VPS13B: variants seen among roughly 807,000 people sequenced by gnomAD.
VPS13B encodes the protein intermembrane lipid transfer protein VPS13B.
A neutral mutation model predicts 426.4 loss-of-function variants in VPS13B; 285 were observed. The observed-to-expected ratio is 0.67, with a 90% CI of 0.61 to 0.74. VPS13B has a LOEUF of 0.74. Among genes scored for constraint, VPS13B ranks in the 30% least tolerant of loss-of-function variants. The pLI, the probability that VPS13B is intolerant of heterozygous loss-of-function variation, is 0.00. For missense variants in VPS13B, 4,537 were observed against 4,782.6 expected, an observed-to-expected ratio of 0.95 and a Z score of 1.51; for synonymous variants, 1,676 against 1,676.4, an observed-to-expected ratio of 1.00 and a Z score of 0.01.
intron 19 of VPS13B, among the ~76,000 whole-genome samples, chr8:99,308,800 G>T: frequency 6.6e-6 from 1 of 152,204 alleles, no homozygotes; most frequent in East Asian, 1.9e-4. Flanking sequence ...GCCACCAACA[G>T]TGTAAAAGTG....
intron 25 of VPS13B, among the ~76,000 whole-genome samples, chr8:99,493,394 A>T (rs1001611229): frequency 6.6e-6 from 1 of 152,208 alleles, no homozygotes; most frequent in African/African-American, 2.4e-5. Context: ...TCCATGTTAA[A>T]AAAGTAATCT....
At chr8:99,360,202 CTCTCTCT>C (rs1563687216) in intron 19 of VPS13B, among the ~76,000 whole-genome samples, 3 of 41,162 alleles carry the variant, frequency 7.3e-5, no homozygotes, top group African/African-American at 3.6e-4. Context: ...CTCTCTCTCT[CTCTCTCT>C]CTTTCTTTCT....
At chr8:99,646,784 GGTT>G (rs1829596545) in intron 34 of VPS13B, among the ~76,000 whole-genome samples, 1 of 152,004 alleles carries the variant, frequency 6.6e-6, no homozygotes, top group African/African-American at 2.4e-5. Context: ...TGAAAGTTGT[GGTT>G]GTTTAAAGAA....
At chr8:99,374,818 G>T (rs1472202497) in intron 19 of VPS13B, among the ~76,000 whole-genome samples, 1 of 152,054 alleles carries the variant, frequency 6.6e-6, no homozygotes, top group Non-Finnish European at 1.5e-5. Flanking sequence ...CTTTGTTTTT[G>T]TATGGTTTGT....
chr8:99,036,952 C>G (rs768742349), intron 2 of VPS13B, among the ~76,000 whole-genome samples: 1 of 152,062 alleles, frequency 6.6e-6, no homozygotes, highest in Non-Finnish European at 1.5e-5. Flanking sequence ...TCCTAGATGA[C>G]TCGTTTTGGG....
In VPS13B at chr8:99,825,168, T is replaced by C. The variant is rs544425304; in HGVS notation, c.9330+1190T>C. Among the ~76,000 whole-genome samples the C allele has an allele frequency of 9.9e-5, 15 of 152,264 alleles. No individual in the cohort carries two copies. The South Asian group carries it at 3.1e-3, about 32-fold the overall frequency. ...GAATTGCCACACTGTGTTCCAATGG[T>C]TGGTTTAATTTACACTCCCACCAAC... On this transcript the variant is annotated intron_variant, in intron 51 of 61. Transcript: ENST00000357162.
At chr8:99,017,680 A>G (rs1841692205) in intron 2 of VPS13B, among the ~76,000 whole-genome samples, 1 of 151,810 alleles carries the variant, frequency 6.6e-6, no homozygotes. Context: ...TTTAGTAGAG[A>G]CGGGGTTTCA....
intron 51 of VPS13B, among the ~76,000 whole-genome samples, chr8:99,828,140 C>T (rs1814804210): frequency 6.6e-6 from 1 of 152,078 alleles, no homozygotes; most frequent in African/African-American, 2.4e-5. Context: ...TGTTAATTTT[C>T]TGTCTTGTTG....
At chr8:99,014,454 G>C (rs1484864648) in intron 2 of VPS13B, among the ~76,000 whole-genome samples, 3 of 151,932 alleles carry the variant, frequency 2.0e-5, no homozygotes, top group African/African-American at 7.2e-5. Context: ...CCCAGTTTTG[G>C]TATATTAGAA....
intron 17 of VPS13B, among the ~76,000 whole-genome samples, chr8:99,262,089 G>T (rs539825215): frequency 6.6e-6 from 1 of 152,242 alleles, no homozygotes; most frequent in South Asian, 2.1e-4. Flanking sequence ...TGCAAGTGGG[G>T]GTAGAACGAT....
At chr8:99,457,495 TC>T (rs1818545437) in intron 23 of VPS13B, among the ~76,000 whole-genome samples, 1 of 152,224 alleles carries the variant, frequency 6.6e-6, no homozygotes, top group Non-Finnish European at 1.5e-5. Flanking sequence ...ATCCCTTTTT[TC>T]TGGGTTAAGC....
chr8:99,082,404 C>T (rs1845533831), intron 3 of VPS13B, among the ~76,000 whole-genome samples: 2 of 152,134 alleles, frequency 1.3e-5, no homozygotes, highest in Admixed American at 1.3e-4. Flanking sequence ...TTCTCCCATT[C>T]TGTAGGATGC....
At chr8:99,187,086 C>T (rs1256133234) in intron 16 of VPS13B, among the ~76,000 whole-genome samples, 3 of 152,112 alleles carry the variant, frequency 2.0e-5, no homozygotes, top group African/African-American at 4.8e-5. Flanking sequence ...TCTTGCTACA[C>T]GATAGGACCT....
At chr8:99,342,866 T>C (rs1811327113) in intron 19 of VPS13B, among the ~76,000 whole-genome samples, 1 of 152,210 alleles carries the variant, frequency 6.6e-6, no homozygotes, top group African/African-American at 2.4e-5. Flanking sequence ...CTAGCAACTA[T>C]GTACAAGATT....
chr8:99,496,465 C>A (rs1290900641), intron 25 of VPS13B, among the ~76,000 whole-genome samples: 1 of 152,138 alleles, frequency 6.6e-6, no homozygotes, highest in African/African-American at 2.4e-5. Flanking sequence ...TCCTGGCTAA[C>A]ACAGTGAAAC....
chr8:99,486,045 G>A (rs1453853432), intron 25 of VPS13B, among the ~76,000 whole-genome samples: 1 of 151,978 alleles, frequency 6.6e-6, no homozygotes, highest in African/African-American at 2.4e-5. Context: ...ATTTTTCTGT[G>A]TGATTCCTAT....
chr8:99,511,078 A>T (rs992473022), intron 28 of VPS13B, 26 bp from the exon 29 acceptor site: 1 of 1,609,358 alleles, frequency 6.2e-7, no homozygotes, highest in African/African-American at 1.3e-5. Context: ...TGAACTGTGT[A>T]TTGTGATTTC....
At chr8:99,852,381 C>A (rs1291113639) in intron 55 of VPS13B, among the ~76,000 whole-genome samples, 1 of 152,144 alleles carries the variant, frequency 6.6e-6, no homozygotes, top group African/African-American at 2.4e-5. Context: ...TGGATGAGAT[C>A]CCCAAGGAAG....
chr8:99,410,371 A>G (rs3105186), intron 21 of VPS13B, among the ~76,000 whole-genome samples: 26,419 of 151,856 alleles, frequency 0.17, 2,818 homozygotes, highest in East Asian at 0.37. Flanking sequence ...ACTACTTACA[A>G]TGCACTTTGT....
Sources: allele counts gnomAD v4.1 joint callset (sites outside exome capture counted in the v4.1 genomes callset), GRCh38; gene constraint gnomAD v4.1.1; transcripts MANE v1.5; gene names NCBI Gene and HGNC (gene_info 2026-07-23, HGNC 2026-07-21).